RGMA: variants seen among roughly 807,000 people sequenced by gnomAD.
The protein encoded by RGMA is repulsive guidance molecule A.
RGMA carries 10 observed loss-of-function variants against 23.2 expected under a neutral mutation model. That is an observed-to-expected ratio of 0.43 (90% confidence interval 0.27 to 0.73). The LOEUF is 0.73. RGMA is among the 30% of genes least tolerant of loss of function. The pLI, the probability that RGMA is intolerant of heterozygous loss-of-function variation, is 0.20. For missense variants in RGMA, 547 were observed against 630.5 expected (o/e 0.87, Z 1.42); for synonymous variants, 308 against 279.3 (o/e 1.10, Z -1.03).
rs370144249 is a variant in RGMA at position 93,081,618 on chromosome 15, A to G, written c.14+7301T>C. On this transcript the variant is annotated intron_variant, in intron 1 of 3. Coordinates refer to ENST00000329082, the MANE Select transcript of RGMA (RefSeq NM_020211.3). ...AGAACTGTCTTGGAACCATTTATCC[A>G]CCAAATGGCAACTGTCTGAACCGAC... 3.2e-4 allele frequency among the ~76,000 whole-genome samples: 48 copies of G among 152,264 alleles called. No homozygotes were observed. The South Asian group carries it at 6.6e-3, about 21-fold the overall frequency.
intron 2 of RGMA, chr15:93,065,547 T>C (rs1047528631): frequency 5.9e-6 from 4 of 681,468 alleles, no homozygotes; most frequent in Non-Finnish European, 1.1e-5. Context: ...AACTGGCAGA[T>C]AGCAGATGGC....
At chr15:93,074,120 G>C (rs538501463) in intron 1 of RGMA, 6 of 797,788 alleles carry the variant, frequency 7.5e-6, no homozygotes, top group Non-Finnish European at 1.0e-5. Flanking sequence ...GACATCTTTT[G>C]GATGAAACAC....
In RGMA at chr15:93,052,583, G is replaced by A. The variant is rs901607811; in HGVS notation, c.131-76C>T. On this transcript the variant is annotated intron_variant, in intron 2 of 3. Transcript: ENST00000329082. ...GCTTCTGCTACCATCTGTGGGCCAG[G>A]GGAGCAGCCACACATCGCCTCATCT... 28 of 1,434,136 alleles carry A rather than the reference G, an allele frequency of 2.0e-5. No individual in the cohort carries two copies. The African/African-American group carries it at 3.4e-4, about 17-fold the overall frequency. 88.8% of individuals were successfully genotyped at this position (1,434,136 alleles called of 1,614,324 possible).
chr15:93,073,527 T>C, intron 1 of RGMA: 1 of 1,442,134 alleles, frequency 6.9e-7, no homozygotes. Context: ...CCAATCCAAG[T>C]AGAAAAACTG....
Position 93,052,359 on chromosome 15 carries a change from G to T in RGMA, c.279C>A (p.Cys93Ter). ...ALCTRRTART[C>*]RGDLAYHSAV... ...CCGAGTGGTAGGCCAGGTCACCCCG[G>T]CAGGTGCGGGCCGTCCGCCGCGTGC... The change falls in exon 3 of 4, where the codon TGC becomes TGA. Residue 93 changes from cysteine (C) to a stop codon, truncating the protein, a stop_gained. Coordinates refer to ENST00000329082, the MANE Select transcript of RGMA (RefSeq NM_020211.3). LOFTEE classifies it high-confidence loss of function. 1 of 1,600,930 alleles carries T rather than the reference G, an allele frequency of 6.2e-7. No homozygotes were observed.
intron 2 of RGMA, chr15:93,066,395 G>A (rs772915182): frequency 1.3e-5 from 9 of 700,762 alleles, no homozygotes; most frequent in African/African-American, 7.0e-5. Flanking sequence ...TCCAGGTGGG[G>A]GAAACGGGGG....
intron 1 of RGMA, among the ~76,000 whole-genome samples, chr15:93,074,529 G>T (rs1895436867): frequency 6.6e-6 from 1 of 152,236 alleles, no homozygotes; most frequent in African/African-American, 2.4e-5. Flanking sequence ...TCTTCCCTTA[G>T]GTGGAAATGC....
intron 1 of RGMA, among the ~76,000 whole-genome samples, chr15:93,081,589 GAGA>G (rs1022553341): frequency 4.6e-5 from 7 of 152,222 alleles, no homozygotes; most frequent in East Asian, 3.8e-4. Flanking sequence ...AAGTTCTTGG[GAGA>G]AGAACTGTCT....
Position 93,088,696 on chromosome 15 carries a change from A to G in RGMA, c.14+223T>C, listed in dbSNP as rs1034421581. On this transcript the variant is annotated intron_variant, in intron 1 of 3. Coordinates refer to ENST00000329082, the MANE Select transcript of RGMA (RefSeq NM_020211.3). ...ACGCGCGCTGGCGGCTGCCCGGGGG[A>G]GAGTATTTTAGGAAAAAAGAACAAA... 6.1e-5 allele frequency: 47 copies of G among 769,174 alleles called. No individual in the cohort carries two copies. In the Middle Eastern group the frequency reaches 1.9e-3, roughly 31 times the overall value. The allele number at this position is 769,174 out of a possible 1,614,324, so 47.6% of individuals were successfully genotyped here.
At chr15:93,056,419 C>T (rs917206392) in intron 2 of RGMA, among the ~76,000 whole-genome samples, 1 of 152,134 alleles carries the variant, frequency 6.6e-6, no homozygotes, top group African/African-American at 2.4e-5. Flanking sequence ...GGCCCTTTCA[C>T]TTCTCCGTTC....
At position 93,045,858 on chromosome 15, in the gene RGMA, C is replaced by T. The variant is rs1035635574; in HGVS notation, c.646-153G>A. On this transcript the variant is annotated intron_variant, in intron 3 of 3. Transcript: ENST00000329082. This position sits in a 1 kb window ranked among gnomAD's most constrained non-coding sequence, Gnocchi z 6.9. ...CTCCAGGTTGGACAGATCAGTTCCACCTGCGCAGCTGTGCACTTCACATTC... is the reference window on the plus strand; with the variant it reads ...CTCCAGGTTGGACAGATCAGTTCCATCTGCGCAGCTGTGCACTTCACATTC... Among the ~76,000 whole-genome samples the T allele has an allele frequency of 1.3e-5, 2 of 152,204 alleles. No individual in the cohort carries two copies. Among genetic ancestry groups the T allele is most frequent in the Non-Finnish European group, 2.9e-5 (2 of 68,038 alleles).
intron 1 of RGMA, among the ~76,000 whole-genome samples, chr15:93,083,616 A>T (rs1405167773): frequency 1.3e-5 from 2 of 152,244 alleles, no homozygotes; most frequent in East Asian, 3.8e-4. Context: ...AATGTGAGCC[A>T]CCACGCCCAG....
rs1044081708 is a variant in RGMA at position 93,043,597 on chromosome 15, G to A, written c.*1401C>T. The A allele has an allele frequency of 3.3e-5, 5 of 152,326 alleles. No homozygotes were observed. Among genetic ancestry groups the A allele is most frequent in the Non-Finnish European group, 7.3e-5 (5 of 68,044 alleles). The allele number at this position is 152,326 out of a possible 1,614,324, so 9.4% of individuals were successfully genotyped here. On this transcript the variant is annotated 3_prime_UTR_variant, in exon 4 of 4. Transcript: ENST00000329082. ...CTTCACTTTTTACTTCCAACATAGG[G>A]ACCAACTAAAACCAGCAGGGAGAGG...
At position 93,056,373 on chromosome 15, in the gene RGMA, C is replaced by T. The variant is rs147068123; in HGVS notation, c.131-3866G>A. On this transcript the variant is annotated intron_variant, in intron 2 of 3. Coordinates refer to ENST00000329082, the MANE Select transcript of RGMA (RefSeq NM_020211.3). ...AACAGCAGGGATGCGGCCACCTTAG[C>T]CCTGATGCAGAGCGGCTAAGAAGCG... Among the ~76,000 whole-genome samples the T allele has an allele frequency of 2.3e-3, 346 of 150,568 alleles. 4 individuals carry two copies. Among genetic ancestry groups the T allele is most frequent in the South Asian group, 7.4e-3 (35 of 4,726 alleles).
chr15:93,060,022 G>A (rs1567186527), intron 2 of RGMA, among the ~76,000 whole-genome samples: 1 of 152,104 alleles, frequency 6.6e-6, no homozygotes, highest in East Asian at 1.9e-4. Flanking sequence ...TGCCCCACAG[G>A]GTGTGAGCTG....
In RGMA at chr15:93,042,281, C is replaced by G. The variant is rs559700125; in HGVS notation, c.*2717G>C. ...TGCTAGCCTGCAGGTTCACCTCTCC[C>G]AAGAGTCCAGGGTCTGTATCGCCCC... On this transcript the variant is annotated 3_prime_UTR_variant, in exon 4 of 4. Transcript: ENST00000329082. The G allele has an allele frequency of 1.3e-5, 2 of 152,414 alleles. No individual in the cohort carries two copies. The highest frequency in any genetic ancestry group is 4.1e-4 in the South Asian group (2 of 4,832). The allele number at this position is 152,414 out of a possible 1,614,324, so 9.4% of individuals were successfully genotyped here.
intron 1 of RGMA, among the ~76,000 whole-genome samples, chr15:93,087,844 T>A (rs545596054): frequency 1.2e-3 from 187 of 152,250 alleles, no homozygotes; most frequent in African/African-American, 4.3e-3. Flanking sequence ...CTGAGCTCAA[T>A]GTGCTGAGCA....
At chr15:93,054,629 GTCCATTAAA>G (rs2054984151) in intron 2 of RGMA, among the ~76,000 whole-genome samples, 1 of 152,198 alleles carries the variant, frequency 6.6e-6, no homozygotes, top group African/African-American at 2.4e-5. Context: ...GGAACTATGA[GTCCATTAAA>G]CCTCTTTCCT....
chr15:93,043,228 A>ATG lies in RGMA; in HGVS notation c.*1769_*1770insCA, dbSNP rs1488025766. 5 of 151,704 alleles carry ATG rather than the reference A, an allele frequency of 3.3e-5. No homozygotes were observed. The highest frequency in any genetic ancestry group is 1.2e-4 in the African/African-American group (5 of 41,192). 9.4% of individuals were successfully genotyped at this position (151,704 alleles called of 1,614,324 possible). A position where few individuals can be genotyped will look rare whatever the true frequency, so the allele number is the denominator to read the frequency against. ...TGGGCGCACACACAGGCATGCGCACACATGCGTACATGCACGCACACAGGC... is the reference window on the plus strand; with the variant it reads ...TGGGCGCACACACAGGCATGCGCACATGCATGCGTACATGCACGCACACAGGC... On this transcript the variant is annotated 3_prime_UTR_variant, in exon 4 of 4. Coordinates refer to ENST00000329082, the MANE Select transcript of RGMA (RefSeq NM_020211.3).
Sources: allele counts gnomAD v4.1 joint callset (sites outside exome capture counted in the v4.1 genomes callset), GRCh38; gene constraint gnomAD v4.1.1; non-coding constraint Gnocchi (gnomAD v3.1); transcripts MANE v1.5; gene names NCBI Gene and HGNC (gene_info 2026-07-23, HGNC 2026-07-21).